ELAPOR1: variants seen among roughly 807,000 people sequenced by gnomAD.
The protein encoded by ELAPOR1 is endosome/lysosome-associated apoptosis and autophagy regulator 1.
A neutral mutation model predicts 119.7 loss-of-function variants in ELAPOR1; 77 were observed. That is an observed-to-expected ratio of 0.64 (90% CI 0.54 to 0.78). The LOEUF is 0.78. Among genes scored for constraint, ELAPOR1 ranks in the 30% least tolerant of loss-of-function variants. The pLI is 0.00. For synonymous variants in ELAPOR1, 481 were observed against 487.2 expected (o/e 0.99, Z 0.17); for missense variants, 1,115 against 1,270.4 (o/e 0.88, Z 1.86).
At chr1:109,140,461 A>C (rs1649759217) in intron 1 of ELAPOR1, among the ~76,000 whole-genome samples, 1 of 152,226 alleles carries the variant, frequency 6.6e-6, no homozygotes, top group African/African-American at 2.4e-5. Context: ...GCTGTGGGGC[A>C]GCCATACAAC....
chr1:109,186,174 G>C (rs1431870283), intron 8 of ELAPOR1, among the ~76,000 whole-genome samples: 1 of 152,112 alleles, frequency 6.6e-6, no homozygotes, highest in Non-Finnish European at 1.5e-5. Context: ...CATTTGAGCA[G>C]AGACCTGAAG....
chr1:109,175,136 C>A (rs11102949), intron 7 of ELAPOR1, among the ~76,000 whole-genome samples: 1 of 151,884 alleles, frequency 6.6e-6, no homozygotes, highest in South Asian at 2.1e-4. Flanking sequence ...GCTGGGATTA[C>A]AGACATGAGA....
chr1:109,170,844 G>C (rs1177968374), intron 3 of ELAPOR1, among the ~76,000 whole-genome samples: 1 of 152,166 alleles, frequency 6.6e-6, no homozygotes. Flanking sequence ...GTGAGTGTAG[G>C]GAGAGCCCGT....
chr1:109,173,491 C>G lies in ELAPOR1; in HGVS notation c.714C>G (p.Gly238=). ...WEFHSVELNR[G]NNVLYWRTTA... The stretch of plus-strand genomic sequence containing the variant: ...GTTTTTAGGTGGAGCTAAATCGAGG[C>G]AATAATGTCCTCTATTGGAGAACCA... Residue 238 remains glycine (G), a synonymous_variant, in exon 6 of 22, where the codon GGC becomes GGG. Transcript: ENST00000369939. The G allele has an allele frequency of 6.2e-7, 1 of 1,614,000 alleles. No individual in the cohort carries two copies. Among genetic ancestry groups the G allele is most frequent in the Non-Finnish European group, 8.5e-7 (1 of 1,179,916 alleles).
chr1:109,192,184 A>G (rs1290698182), intron 13 of ELAPOR1, among the ~76,000 whole-genome samples: 5 of 152,252 alleles, frequency 3.3e-5, no homozygotes, highest in Non-Finnish European at 5.9e-5. Context: ...ATACAGGCTC[A>G]TTGCAGAAGA....
At chr1:109,154,319 A>T (rs1419236233) in intron 1 of ELAPOR1, among the ~76,000 whole-genome samples, 1 of 151,322 alleles carries the variant, frequency 6.6e-6, no homozygotes, top group Non-Finnish European at 1.5e-5. Flanking sequence ...GGGGAAAAAG[A>T]TGGAAGTAAG....
chr1:109,156,178 T>G lies in ELAPOR1; in HGVS notation c.154-5716T>G, dbSNP rs112922859. On this transcript the variant is annotated intron_variant, in intron 1 of 21. Coordinates refer to ENST00000369939, the MANE Select transcript of ELAPOR1 (RefSeq NM_020775.5). ...TATAGATTTATATTTTATAAAAATA[T>G]TTTTTATTTTGGAGATATTTCTCAA... 7.2e-5 allele frequency among the ~76,000 whole-genome samples: 11 copies of G among 152,182 alleles called. 1 individual carries two copies. The highest frequency in any genetic ancestry group is 2.6e-4 in the African/African-American group (11 of 41,532).
intron 5 of ELAPOR1, among the ~76,000 whole-genome samples, 179 bp from the exon 6 acceptor site, chr1:109,173,295 A>T (rs1652038736): frequency 1.3e-5 from 2 of 152,020 alleles, no homozygotes; most frequent in African/African-American, 4.8e-5. Flanking sequence ...GAGGCTTAGA[A>T]AGAGAGAGGA....
At chr1:109,191,315 A>T (rs1191839949) in intron 11 of ELAPOR1, 51 bp from the exon 12 acceptor site, 1 of 1,317,882 alleles carries the variant, frequency 7.6e-7, no homozygotes, top group Non-Finnish European at 1.1e-6. Flanking sequence ...TGGGCTCTTC[A>T]ATAAGCACTG....
rs775051013 is a variant in ELAPOR1 at position 109,164,524 on chromosome 1, T to A, written c.300T>A (p.Phe100Leu). Reference sequence around the variant, plus strand: ...CCTTCTCCTGCAACGCCGGGGAGTTTCTGGATATGAAGGACCAGTCATGTA... The same window carrying A: ...CCTTCTCCTGCAACGCCGGGGAGTTACTGGATATGAAGGACCAGTCATGTA... ...ECSFSCNAGE[F>L]LDMKDQSCKP... Residue 100 changes from phenylalanine to leucine, a missense_variant, in exon 3 of 22, where the codon TTT (phenylalanine) becomes TTA (leucine). By Grantham distance (22) the Phe-to-Leu change is conservative. Coordinates refer to ENST00000369939, the MANE Select transcript of ELAPOR1 (RefSeq NM_020775.5). The A allele has an allele frequency of 4.3e-6, 7 of 1,613,200 alleles. No individual in the cohort carries two copies. The highest frequency in any genetic ancestry group is 5.1e-6 in the Non-Finnish European group (6 of 1,179,268).
At position 109,197,660 on chromosome 1, in the gene ELAPOR1, T is replaced by G; in HGVS notation, c.2302+6T>G. 6.2e-7 allele frequency: 1 copy of G among 1,612,334 alleles called. No homozygotes were observed. ...CCTTGCTGATCGACTTATTGGTGAGTAACTCCGCTGCCTCAGCCTTGTTTG... is the reference window on the plus strand; with the variant it reads ...CCTTGCTGATCGACTTATTGGTGAGGAACTCCGCTGCCTCAGCCTTGTTTG... On this transcript the variant is annotated splice_donor_region_variant and intron_variant, in intron 16 of 21. Coordinates refer to ENST00000369939, the MANE Select transcript of ELAPOR1 (RefSeq NM_020775.5).
intron 11 of ELAPOR1, among the ~76,000 whole-genome samples, 196 bp from the exon 12 acceptor site, chr1:109,191,170 T>C (rs1418001944): frequency 6.6e-6 from 1 of 152,128 alleles, no homozygotes; most frequent in Non-Finnish European, 1.5e-5. Flanking sequence ...ATCACCTCCA[T>C]TTTACAGATA....
chr1:109,133,625 A>G (rs777298488), intron 1 of ELAPOR1, among the ~76,000 whole-genome samples: 1 of 152,130 alleles, frequency 6.6e-6, no homozygotes, highest in Admixed American at 6.6e-5. Flanking sequence ...TCCATCATAT[A>G]TGTGTGAAGT....
chr1:109,147,930 C>T (rs1188788865), intron 1 of ELAPOR1, among the ~76,000 whole-genome samples: 4 of 151,062 alleles, frequency 2.6e-5, no homozygotes, highest in South Asian at 2.1e-4. Flanking sequence ...CCTGGGTTCA[C>T]GCCATTCTCC....
chr1:109,200,184 T>C lies in ELAPOR1; in HGVS notation c.2754T>C (p.Cys918=). The C allele has an allele frequency of 6.2e-7, 1 of 1,614,244 alleles. No homozygotes were observed. Among genetic ancestry groups the C allele is most frequent in the Non-Finnish European group, 8.5e-7 (1 of 1,180,042 alleles). The change falls in exon 20 of 22, where the codon TGT becomes TGC. Residue 918 remains cysteine (C), a synonymous_variant. Coordinates refer to ENST00000369939, the MANE Select transcript of ELAPOR1 (RefSeq NM_020775.5). ...WLKVGISAGT[C]TAILLTVLTC... Reference sequence around the variant, plus strand: ...AAGTGGGCATCTCTGCAGGCACCTGTACTGCCATCCTGCTCACCGTCTTGA... The same window carrying C: ...AAGTGGGCATCTCTGCAGGCACCTGCACTGCCATCCTGCTCACCGTCTTGA...
At chr1:109,183,643 G>A (rs1652881762) in intron 7 of ELAPOR1, among the ~76,000 whole-genome samples, 1 of 39,986 alleles carries the variant, frequency 2.5e-5, no homozygotes, top group Non-Finnish European at 5.2e-5. Context: ...CTTCCTAACA[G>A]AGTCTCTCTC....
intron 20 of ELAPOR1, 152 bp from the exon 21 acceptor site, chr1:109,200,583 C>T: frequency 1.4e-6 from 1 of 704,392 alleles, no homozygotes; most frequent in South Asian, 1.9e-5. Flanking sequence ...AAGATTCCTT[C>T]TATTACCCCA....
At chr1:109,187,896 C>T in intron 8 of ELAPOR1, 1 of 1,140,560 alleles carries the variant, frequency 8.8e-7, no homozygotes, top group Non-Finnish European at 1.1e-6. Context: ...TTCTCTAAGA[C>T]AACTGGTCCC....
chr1:109,192,905 T>G (rs746859743), intron 14 of ELAPOR1, 31 bp downstream of exon 14: 1 of 1,604,180 alleles, frequency 6.2e-7, no homozygotes, highest in Non-Finnish European at 8.5e-7. Context: ...ATCCTAAACC[T>G]GACCCTCTGC....
Sources: allele counts gnomAD v4.1 joint callset (sites outside exome capture counted in the v4.1 genomes callset), GRCh38; gene constraint gnomAD v4.1.1; transcripts MANE v1.5; gene names NCBI Gene and HGNC (gene_info 2026-07-23, HGNC 2026-07-21).